The following SCHIP1 variants were observed in gnomAD, a reference collection of about 807,000 sequenced individuals.
The protein encoded by SCHIP1 is schwannomin-interacting protein 1.
SCHIP1 carries 8 observed loss-of-function variants against 29.7 expected under a neutral mutation model. That is an observed-to-expected ratio of 0.27 (90% CI 0.16 to 0.49). SCHIP1 has a LOEUF of 0.49. SCHIP1 is among the 20% of genes least tolerant of loss of function. SCHIP1 has a pLI of 0.99. For synonymous variants in SCHIP1, 76 were observed against 94.9 expected, an observed-to-expected ratio of 0.80 and a Z score of 1.16; for missense variants, 193 against 294.6, an observed-to-expected ratio of 0.66 and a Z score of 2.52.
chr3:159,488,594 C>G, the SCHIP1 span, among the ~76,000 whole-genome samples: 1 of 152,026 alleles, frequency 6.6e-6, no homozygotes, highest in Non-Finnish European at 1.5e-5. Flanking sequence ...TCTCAGGGGA[C>G]AGGGGTGAGC....
At chr3:159,762,415 C>T in the SCHIP1 span, among the ~76,000 whole-genome samples, 1 of 152,140 alleles carries the variant, frequency 6.6e-6, no homozygotes. Context: ...CCCACTAGGG[C>T]TTAGAAGAAT....
At chr3:159,403,053 T>G in the SCHIP1 span, among the ~76,000 whole-genome samples, 1 of 152,142 alleles carries the variant, frequency 6.6e-6, no homozygotes, top group Non-Finnish European at 1.5e-5. Context: ...TGGAAGACCA[T>G]GGGCCAGGGA....
the SCHIP1 span, among the ~76,000 whole-genome samples, chr3:159,630,618 TGGAG>T: frequency 2.7e-5 from 3 of 112,860 alleles, no homozygotes; most frequent in African/African-American, 3.4e-4. Context: ...CACTCGTAAG[TGGAG>T]CTAAGCTATG....
the SCHIP1 span, among the ~76,000 whole-genome samples, chr3:159,520,288 C>T: frequency 6.6e-6 from 1 of 151,970 alleles, no homozygotes; most frequent in South Asian, 2.1e-4. Context: ...GTGTGAGTAG[C>T]AGCTAATGGA....
chr3:159,605,636 A>C, the SCHIP1 span, among the ~76,000 whole-genome samples: 1 of 152,158 alleles, frequency 6.6e-6, no homozygotes, highest in African/African-American at 2.4e-5. Flanking sequence ...AGCTGACCTA[A>C]AAATGCAATC....
the SCHIP1 span, among the ~76,000 whole-genome samples, chr3:159,434,116 G>A: frequency 6.6e-6 from 1 of 152,194 alleles, no homozygotes. Flanking sequence ...CACAATAAAT[G>A]TTTGTGGATA....
chr3:159,842,745 G>T (rs1744350618), intron 1 of SCHIP1, among the ~76,000 whole-genome samples: 1 of 146,970 alleles, frequency 6.8e-6, no homozygotes, highest in African/African-American at 2.5e-5. Context: ...GTGTAGGGTT[G>T]CCAGATTTAG....
the SCHIP1 span, chr3:159,387,316 T>C: frequency 3.0e-6 from 1 of 328,890 alleles, no homozygotes; most frequent in Non-Finnish European, 5.9e-6. Flanking sequence ...CAGGAAAAAG[T>C]CAATTATCTC....
the SCHIP1 span, among the ~76,000 whole-genome samples, chr3:159,338,681 T>C: frequency 6.6e-6 from 1 of 152,120 alleles, no homozygotes; most frequent in Admixed American, 6.6e-5. Flanking sequence ...GAGATAATAG[T>C]GGCTTGAATC....
At chr3:159,408,681 G>T in the SCHIP1 span, among the ~76,000 whole-genome samples, 2 of 152,102 alleles carry the variant, frequency 1.3e-5, no homozygotes, top group Non-Finnish European at 2.9e-5. Context: ...GGACCCAATG[G>T]CTTCACTGCT....
chr3:159,788,799 G>A, the SCHIP1 span, among the ~76,000 whole-genome samples: 1 of 151,942 alleles, frequency 6.6e-6, no homozygotes, highest in South Asian at 2.1e-4. Context: ...TATTTGTCAG[G>A]GTTCTTCAGA....
At chr3:159,862,089 T>C (rs1424543096) in intron 1 of SCHIP1, among the ~76,000 whole-genome samples, 1 of 152,238 alleles carries the variant, frequency 6.6e-6, no homozygotes, top group Non-Finnish European at 1.5e-5. Context: ...AAGATATTTG[T>C]ATTGTGGATA....
At chr3:159,798,069 A>C in the SCHIP1 span, among the ~76,000 whole-genome samples, 1 of 152,214 alleles carries the variant, frequency 6.6e-6, no homozygotes, top group African/African-American at 2.4e-5. Context: ...ACTTGGTGGC[A>C]TGGAACTTCA....
At chr3:159,659,345 A>C in the SCHIP1 span, among the ~76,000 whole-genome samples, 1 of 152,222 alleles carries the variant, frequency 6.6e-6, no homozygotes, top group East Asian at 1.9e-4. Context: ...TTGTGCCAGC[A>C]CAAGGTGGCC....
the SCHIP1 span, among the ~76,000 whole-genome samples, chr3:159,645,764 C>G: frequency 6.6e-6 from 1 of 152,014 alleles, no homozygotes; most frequent in Non-Finnish European, 1.5e-5. Flanking sequence ...AGAAATAGGA[C>G]TTGATCATGT....
chr3:159,490,226 T>C, the SCHIP1 span, among the ~76,000 whole-genome samples: 5 of 152,344 alleles, frequency 3.3e-5, no homozygotes, highest in Admixed American at 3.3e-4. Flanking sequence ...ACCATTTCTA[T>C]GTGTTAGTAA....
the SCHIP1 span, among the ~76,000 whole-genome samples, chr3:159,678,513 A>C: frequency 2.6e-5 from 4 of 152,242 alleles, no homozygotes; most frequent in Non-Finnish European, 4.4e-5. Flanking sequence ...ACATTGATAA[A>C]ATATACTTTT....
the SCHIP1 span, among the ~76,000 whole-genome samples, chr3:159,520,703 C>T: frequency 6.6e-6 from 1 of 152,220 alleles, no homozygotes; most frequent in Non-Finnish European, 1.5e-5. Context: ...TGACAACTTT[C>T]AACTAATTCT....
At chr3:159,762,719 C>T in the SCHIP1 span, among the ~76,000 whole-genome samples, 1 of 152,194 alleles carries the variant, frequency 6.6e-6, no homozygotes, top group African/African-American at 2.4e-5. Flanking sequence ...TGTGATGCAT[C>T]TATGTTTTTC....
Sources: allele counts gnomAD v4.1 joint callset (sites outside exome capture counted in the v4.1 genomes callset), GRCh38; gene constraint gnomAD v4.1.1; transcripts MANE v1.5; gene names NCBI Gene and HGNC (gene_info 2026-07-23, HGNC 2026-07-21).